The following TRIM66 variants were observed in gnomAD, a reference collection of about 807,000 sequenced individuals.
TRIM66 encodes the protein tripartite motif containing 66, also known as tripartite motif-containing protein 66.
A neutral mutation model predicts 148.2 loss-of-function variants in TRIM66; 99 were observed. The observed-to-expected ratio is 0.67, with a 90% CI of 0.57 to 0.79. TRIM66 has a LOEUF of 0.79. Ranked by LOEUF, TRIM66 falls within the 30% of genes least tolerant of loss-of-function variation. The pLI, the probability that TRIM66 is intolerant of heterozygous loss-of-function variation, is 0.00. For synonymous variants in TRIM66, 616 were observed against 635.9 expected (o/e 0.97, Z 0.47); for missense variants, 1,666 against 1,697.9 (o/e 0.98, Z 0.33).
chr11:8,648,135 G>A (rs2037031491), intron 9 of TRIM66, 49 bp from the exon 10 acceptor site: 2 of 1,468,878 alleles, frequency 1.4e-6, no homozygotes, highest in Non-Finnish European at 1.9e-6. Flanking sequence ...GTCCTACTTT[G>A]AGCATGCCAA....
At chr11:8,656,733 C>A (rs981412391) in intron 6 of TRIM66, among the ~76,000 whole-genome samples, 1 of 152,196 alleles carries the variant, frequency 6.6e-6, no homozygotes, top group Non-Finnish European at 1.5e-5. Flanking sequence ...CATCCCCTTC[C>A]CCTGTGGCTG....
intron 15 of TRIM66, among the ~76,000 whole-genome samples, chr11:8,632,236 A>G (rs775483428): frequency 4.7e-4 from 72 of 152,038 alleles, no homozygotes; most frequent in Non-Finnish European, 8.4e-4. Context: ...TGAACCCAGG[A>G]GGCAGAGGTT....
chr11:8,681,631 ACTT>A (rs1355533864), intron 1 of TRIM66, among the ~76,000 whole-genome samples: 2 of 146,292 alleles, frequency 1.4e-5, no homozygotes, highest in African/African-American at 4.9e-5. Context: ...GAAGGAACCG[ACTT>A]AAGAGCGAAG....
At chr11:8,619,330 A>G in intron 23 of TRIM66, 53 bp downstream of exon 23, 6 of 1,064,390 alleles carry the variant, frequency 5.6e-6, no homozygotes, top group Non-Finnish European at 6.6e-6. Flanking sequence ...CCCACCCATG[A>G]CAGTCCTGGG....
chr11:8,618,241 A>G (rs2033860655), intron 24 of TRIM66, among the ~76,000 whole-genome samples: 1 of 152,214 alleles, frequency 6.6e-6, no homozygotes, highest in South Asian at 2.1e-4. Flanking sequence ...GTGGAATTAA[A>G]CAGCCCTGAA....
intron 6 of TRIM66, among the ~76,000 whole-genome samples, chr11:8,652,651 A>C (rs865840403): frequency 1.6e-4 from 24 of 152,338 alleles, no homozygotes; most frequent in Non-Finnish European, 1.9e-4. Context: ...CCCACCCTGG[A>C]GACCACAGTG....
In TRIM66 at chr11:8,648,510, G is replaced by C; in HGVS notation, c.631C>G (p.Pro211Ala). Residue 211 changes from proline (P) to alanine (A), a missense_variant, in exon 9 of 25, where the codon CCT becomes GCT. By Grantham distance (27) the Pro-to-Ala change is conservative (BLOSUM62 -1). This residue lies in a region of TRIM66 where 1,431 missense variants were observed against 1,412.4 expected (regional missense o/e 1.01). Coordinates refer to ENST00000646038, the MANE Select transcript of TRIM66 (RefSeq NM_001388022.1). ...GGPGDFTLYCPLHTQEVLKLF... is the reference protein window; with the variant it reads ...GGPGDFTLYCALHTQEVLKLF... ...TTGAGTACTTCCTGTGTGTGTAGAG[G>C]ACAATACAAGGTGAAGTCTCCGGGA... The C allele has an allele frequency of 6.4e-7, 1 of 1,551,694 alleles. No individual in the cohort carries two copies. Among genetic ancestry groups the C allele is most frequent in the Non-Finnish European group, 8.7e-7 (1 of 1,146,988 alleles).
chr11:8,638,585 C>G, intron 15 of TRIM66, 69 bp downstream of exon 15: 1 of 1,506,716 alleles, frequency 6.6e-7, no homozygotes, highest in Non-Finnish European at 8.9e-7. Flanking sequence ...TATCCTCCTC[C>G]TCCAAGTGCC....
chr11:8,646,425 T>C lies in TRIM66; in HGVS notation c.957+22A>G, dbSNP rs372058054. On this transcript the variant is annotated intron_variant, in intron 11 of 24. Transcript: ENST00000646038. ...TGGATGGTTTCTGAACCCAACCATC[T>C]GATCCATCTGTCTATACATACCTCT... 131 of 1,543,654 alleles carry C rather than the reference T, an allele frequency of 8.5e-5. No homozygotes were observed. In the African/African-American group the frequency reaches 1.5e-3, roughly 18 times the overall value.
intron 6 of TRIM66, 150 bp from the exon 7 acceptor site, chr11:8,652,053 T>C (rs1302067982): frequency 1.6e-6 from 1 of 638,546 alleles, no homozygotes; most frequent in Non-Finnish European, 2.7e-6. Flanking sequence ...TAGCCTGCAT[T>C]TAGTATGTGG....
At position 8,661,272 on chromosome 11, in the gene TRIM66, G is replaced by A. The variant is rs117594333; in HGVS notation, c.341-9369C>T. Among the ~76,000 whole-genome samples, 17 of 152,352 alleles carry A rather than the reference G, an allele frequency of 1.1e-4. No homozygotes were observed. The East Asian group carries it at 2.9e-3, about 26-fold the overall frequency. The stretch of plus-strand genomic sequence containing the variant: ...AGCCAGGTGACTGGCTGGGGCTGGA[G>A]ATGGATGCACGATCCACAGCCTTCA... On this transcript the variant is annotated intron_variant, in intron 6 of 24. Coordinates refer to ENST00000646038, the MANE Select transcript of TRIM66 (RefSeq NM_001388022.1).
Position 8,651,933 on chromosome 11 carries a change from G to A in TRIM66, c.341-30C>T, listed in dbSNP as rs142543900. On this transcript the variant is annotated intron_variant, in intron 6 of 24. Transcript: ENST00000646038. ...GCAAGAAAGAAAGATAGCAGAGTCA[G>A]GGCAACATGGCTGATTATAACTAAG... The A allele has an allele frequency of 3.9e-4, 600 of 1,521,968 alleles. 1 individual carries two copies. The African/African-American group carries it at 7.2e-3, about 18-fold the overall frequency. 94.3% of individuals were successfully genotyped at this position (1,521,968 alleles called of 1,614,324 possible). A position where few individuals can be genotyped will look rare whatever the true frequency, so the allele number is the denominator to read the frequency against.
chr11:8,620,600 G>T, intron 20 of TRIM66, 28 bp from the exon 21 acceptor site: 1 of 1,549,762 alleles, frequency 6.5e-7, no homozygotes, highest in Non-Finnish European at 8.7e-7. Flanking sequence ...GCCATGTTAG[G>T]CCTCAGCACA....
chr11:8,666,125 T>A (rs1423639899), intron 6 of TRIM66, among the ~76,000 whole-genome samples: 1 of 151,280 alleles, frequency 6.6e-6, no homozygotes, highest in Non-Finnish European at 1.5e-5. Context: ...TCACCAGAGG[T>A]CAGGAGTTTG....
intron 18 of TRIM66, among the ~76,000 whole-genome samples, chr11:8,622,361 C>CATATATATATATAT (rs1159167797): frequency 1.8e-5 from 1 of 54,650 alleles, no homozygotes; most frequent in South Asian, 5.6e-4. Context: ...CACACACACA[C>CATATATATATATAT]ACACATATAT....
intron 15 of TRIM66, among the ~76,000 whole-genome samples, chr11:8,632,280 C>G (rs1156888757): frequency 6.6e-6 from 1 of 151,900 alleles, no homozygotes; most frequent in Non-Finnish European, 1.5e-5. Flanking sequence ...TGCACTCCAA[C>G]CTGGGTGGCA....
At chr11:8,674,682 A>C (rs574313760) in intron 4 of TRIM66, 124 bp downstream of exon 4, 1 of 152,110 alleles carries the variant, frequency 6.6e-6, no homozygotes, top group East Asian at 1.9e-4. Context: ...CACTGCACCC[A>C]GCCTAAAAAA....
chr11:8,621,945 AC>A, intron 18 of TRIM66, 126 bp from the exon 19 acceptor site: 1 of 993,418 alleles, frequency 1.0e-6, no homozygotes, highest in Non-Finnish European at 1.4e-6. Context: ...ATTGAAGGAT[AC>A]AAAGTATTTA....
intron 12 of TRIM66, among the ~76,000 whole-genome samples, chr11:8,643,488 C>T (rs572487129): frequency 2.6e-5 from 4 of 152,116 alleles, no homozygotes; most frequent in Admixed American, 6.5e-5. Flanking sequence ...TACAGGTGCC[C>T]GCCACCACGC....
Sources: gnomAD v4.1 joint callset for allele counts (sites outside exome capture counted in the v4.1 genomes callset) on GRCh38, gnomAD v4.1.1 for gene constraint, gnomAD v4.1.1 regional missense constraint, MANE v1.5 for transcripts, NCBI Gene and HGNC (gene_info 2026-07-23, HGNC 2026-07-21) for gene names.